PDE4D: variants seen among roughly 807,000 people sequenced by gnomAD.
PDE4D encodes phosphodiesterase 4D.
Under a neutral mutation model 87.4 loss-of-function variants are expected in PDE4D, and 24 were observed. The observed-to-expected ratio is 0.27, with a 90% CI of 0.20 to 0.39. PDE4D has a LOEUF of 0.39. Among genes scored for constraint, PDE4D ranks in the 10% least tolerant of loss-of-function variants. The pLI is 1.00. For missense variants in PDE4D, 714 were observed against 1,041.0 expected, an observed-to-expected ratio of 0.69 and a Z score of 4.32; for synonymous variants, 384 against 383.2, an observed-to-expected ratio of 1.00 and a Z score of -0.02.
intron 1 of PDE4D, among the ~76,000 whole-genome samples, chr5:59,493,496 G>A (rs926078876): frequency 6.6e-6 from 1 of 152,208 alleles, no homozygotes; most frequent in Admixed American, 6.5e-5. Context: ...TTAATGTAAA[G>A]TTGTTAAAGC....
At chr5:59,453,033 A>G (rs1226510496) in intron 1 of PDE4D, among the ~76,000 whole-genome samples, 1 of 151,432 alleles carries the variant, frequency 6.6e-6, no homozygotes, top group Non-Finnish European at 1.5e-5. Flanking sequence ...TTCTAACAGC[A>G]TGTGCTCACT....
intron 1 of PDE4D, among the ~76,000 whole-genome samples, chr5:59,790,763 T>A (rs1765691924): frequency 6.6e-6 from 1 of 152,234 alleles, no homozygotes. Flanking sequence ...TTGAGCCTAA[T>A]ATGCAATTCA....
chr5:60,001,094 A>C (rs1308226889), intron 2 of PDE4D, among the ~76,000 whole-genome samples: 1 of 152,148 alleles, frequency 6.6e-6, no homozygotes, highest in Non-Finnish European at 1.5e-5. Context: ...GCAGTGACTT[A>C]GTTCCAAGCT....
chr5:59,940,735 T>C (rs976194198), intron 3 of PDE4D, among the ~76,000 whole-genome samples: 1 of 152,132 alleles, frequency 6.6e-6, no homozygotes, highest in Non-Finnish European at 1.5e-5. Context: ...AAGTTGAAGA[T>C]AAAATGTGTG....
At chr5:59,039,455 C>G (rs1371544947) in intron 5 of PDE4D, 1 of 992,024 alleles carries the variant, frequency 1.0e-6, no homozygotes, top group Non-Finnish European at 1.2e-6. Flanking sequence ...GCCTGCCGAG[C>G]CTTCTGCACG....
At chr5:59,695,493 CTT>C (rs1751639883) in intron 1 of PDE4D, among the ~76,000 whole-genome samples, 2 of 152,348 alleles carry the variant, frequency 1.3e-5, no homozygotes, top group Admixed American at 1.3e-4. Flanking sequence ...TCAAGTCACT[CTT>C]GTCTGGGCCC....
chr5:59,182,445 T>A lies in PDE4D; in HGVS notation c.759-1801A>T, dbSNP rs555178120. Among the ~76,000 whole-genome samples the A allele has an allele frequency of 3.3e-5, 5 of 151,934 alleles. No homozygotes were observed. In the South Asian group the frequency reaches 8.3e-4, roughly 25 times the overall value. ...CTTGGCTAATTAATTTTTTTTTTTT[T>A]AGAGATGGGGTCTTGCTGTGTGTAA... On this transcript the variant is annotated intron_variant, in intron 4 of 14. Coordinates refer to ENST00000340635, the MANE Select transcript of PDE4D (RefSeq NM_001104631.2).
intron 3 of PDE4D, among the ~76,000 whole-genome samples, chr5:59,939,666 G>A (rs1022972330): frequency 6.6e-6 from 1 of 152,130 alleles, no homozygotes; most frequent in Non-Finnish European, 1.5e-5. Context: ...GAGGAGAAGA[G>A]TATTTCAGGT....
In PDE4D at chr5:60,204,201, G is replaced by T. The variant is rs561717445; in HGVS notation, c.-89-18514C>A. Among the ~76,000 whole-genome samples the T allele has an allele frequency of 1.1e-4, 16 of 152,148 alleles. No homozygotes were observed. In the East Asian group the frequency reaches 1.2e-3, roughly 11 times the overall value. On this transcript the variant is annotated intron_variant, in intron 1 of 16. Transcript: ENST00000502484. ...GTCTGTCTGTCTATCTATCTATCTA[G>T]CTAGCTAGCTATCTCTCTATCTCTC... is the stretch of plus-strand genomic sequence containing the variant.
intron 5 of PDE4D, among the ~76,000 whole-genome samples, chr5:59,161,182 G>T (rs1405201937): frequency 6.7e-6 from 1 of 148,686 alleles, no homozygotes; most frequent in Non-Finnish European, 1.5e-5. Flanking sequence ...AGTTTAGAAA[G>T]TGTATTTTGC....
intron 1 of PDE4D, among the ~76,000 whole-genome samples, chr5:59,376,482 G>T (rs1309568248): frequency 6.6e-6 from 1 of 152,086 alleles, no homozygotes; most frequent in East Asian, 1.9e-4. Flanking sequence ...AACCAGGGAG[G>T]TGAAAAATCT....
chr5:59,801,602 C>T (rs1420536785), intron 1 of PDE4D, among the ~76,000 whole-genome samples: 1 of 152,068 alleles, frequency 6.6e-6, no homozygotes, highest in Non-Finnish European at 1.5e-5. Context: ...ATTTTCCAAA[C>T]CAGTGGAATA....
chr5:60,054,448 G>A (rs879010512), intron 2 of PDE4D, among the ~76,000 whole-genome samples: 22 of 152,114 alleles, frequency 1.4e-4, no homozygotes, highest in African/African-American at 4.3e-4. Flanking sequence ...ACCAAACACC[G>A]CATGTTCTCA....
intron 1 of PDE4D, among the ~76,000 whole-genome samples, chr5:59,395,201 G>T (rs559242563): frequency 2.0e-5 from 3 of 151,952 alleles, no homozygotes; most frequent in East Asian, 1.9e-4. Context: ...CAAAGCAGCC[G>T]GGAAGCTCCA....
At chr5:59,312,518 C>T (rs1017033340) in intron 1 of PDE4D, among the ~76,000 whole-genome samples, 5 of 152,136 alleles carry the variant, frequency 3.3e-5, no homozygotes, top group African/African-American at 1.2e-4. Flanking sequence ...CTCTAAACTA[C>T]AATAATTAGC....
rs1439427509 is a variant in PDE4D at position 60,401,455 on chromosome 5, C to T, written c.-90+86487G>A. ...TGCTGAAGCTGCAAAGAGTAAATGA[C>T]ACACATCTCTGGAGTGTGCACACCC... On this transcript the variant is annotated intron_variant, in intron 1 of 16. Transcript: ENST00000502484. Among the ~76,000 whole-genome samples, 4 of 152,214 alleles carry T rather than the reference C, an allele frequency of 2.6e-5. No individual in the cohort carries two copies. The East Asian group carries it at 7.7e-4, about 29-fold the overall frequency.
rs761761041 is a variant in PDE4D, at chr5:58,990,792, C to T, written c.1287+12G>A. 2.1e-6 allele frequency: 3 copies of T among 1,399,972 alleles called. No individual in the cohort carries two copies. The highest frequency in any genetic ancestry group is 2.4e-5 in the South Asian group (2 of 81,812). 86.7% of individuals were successfully genotyped at this position (1,399,972 alleles called of 1,614,324 possible). ...TAAATAAAATAAATGTAATAGAACT[C>T]AACCACCTTACCTGAAAAATGGTGT... On this transcript the variant is annotated intron_variant, in intron 9 of 14. Coordinates refer to ENST00000340635, the MANE Select transcript of PDE4D (RefSeq NM_001104631.2).
At chr5:59,636,529 C>T (rs1033575343) in intron 1 of PDE4D, among the ~76,000 whole-genome samples, 1 of 152,188 alleles carries the variant, frequency 6.6e-6, no homozygotes, top group Non-Finnish European at 1.5e-5. Context: ...GTAACCACAA[C>T]AGCATGCTAC....
chr5:60,287,176 G>A (rs1197766777), intron 1 of PDE4D, among the ~76,000 whole-genome samples: 1 of 152,196 alleles, frequency 6.6e-6, no homozygotes, highest in African/African-American at 2.4e-5. Flanking sequence ...TACAAAAATG[G>A]TAAAACCTAG....
Sources: gnomAD v4.1 joint callset for allele counts (sites outside exome capture counted in the v4.1 genomes callset) on GRCh38, gnomAD v4.1.1 for gene constraint, MANE v1.5 for transcripts, NCBI Gene and HGNC (gene_info 2026-07-23, HGNC 2026-07-21) for gene names.